KANK2: variants seen among roughly 807,000 people sequenced by gnomAD.
KANK2 encodes KN motif and ankyrin repeat domains 2.
A neutral mutation model predicts 74.6 loss-of-function variants in KANK2; 41 were observed. The ratio of observed to expected loss-of-function variants is 0.55; its 90% CI spans 0.43 to 0.71. KANK2 has a LOEUF of 0.71. Ranked by LOEUF, KANK2 falls within the 30% of genes least tolerant of loss-of-function variation. The pLI is 0.00. For synonymous variants in KANK2, 537 were observed against 519.0 expected, an observed-to-expected ratio of 1.03 and a Z score of -0.47; for missense variants, 1,148 against 1,196.4, an observed-to-expected ratio of 0.96 and a Z score of 0.60.
chr19:11,170,095 C>G lies in KANK2; in HGVS notation c.2365G>C (p.Gly789Arg). 1.2e-6 allele frequency: 2 copies of G among 1,613,668 alleles called. No individual in the cohort carries two copies. Among genetic ancestry groups the G allele is most frequent in the Non-Finnish European group, 1.7e-6 (2 of 1,179,972 alleles). ...ACEHGHKEIA[G>R]LLLAVPSCDI... ...CAGCTGGGCACGGCCAGCAGCAGCC[C>G]CGCGATCTCCTTGTGGCCGTGCTCA... The change falls in exon 11 of 13, where the codon GGG becomes CGG. Residue 789 changes from glycine to arginine, a missense_variant. Coordinates refer to ENST00000586659, the MANE Select transcript of KANK2 (RefSeq NM_001136191.3). This position sits in a 1 kb window ranked among gnomAD's most constrained non-coding sequence, Gnocchi z 5.2.
At chr19:11,187,977 G>A (rs2078724065) in intron 4 of KANK2, among the ~76,000 whole-genome samples, 1 of 152,022 alleles carries the variant, frequency 6.6e-6, no homozygotes. Context: ...AAAATAAAGT[G>A]GGGAGGAAAA....
Position 11,175,427 on chromosome 19 carries a change from C to CAAAAAAAAA in KANK2, c.1848+466_1848+474dup, listed in dbSNP as rs753933217. Among the ~76,000 whole-genome samples the CAAAAAAAAA allele has an allele frequency of 8.7e-4, 13 of 14,974 alleles. 1 individual carries two copies. The highest frequency in any genetic ancestry group is 1.7e-3 in the African/African-American group (9 of 5,382). 9.8% of individuals were successfully genotyped at this position (14,974 alleles called of 152,430 possible). On this transcript the variant is annotated intron_variant, in intron 8 of 12. Coordinates refer to ENST00000586659, the MANE Select transcript of KANK2 (RefSeq NM_001136191.3). ...TGGGTGACAGAGCAAGACTCCCTCTCAAAAAAAAAAAAAAAAAAAAAAAAA... is the reference window on the plus strand; with the variant it reads ...TGGGTGACAGAGCAAGACTCCCTCTCAAAAAAAAAAAAAAAAAAAAAAAAAAAAAAAAAA...
chr19:11,174,780 C>A (rs1447522329), intron 8 of KANK2, 88 bp from the exon 9 acceptor site: 4 of 1,057,576 alleles, frequency 3.8e-6, no homozygotes, highest in Non-Finnish European at 5.6e-6. Context: ...CGGAGCAAAG[C>A]GTGGTGCCCT....
At chr19:11,188,274 G>A (rs1172299181) in intron 4 of KANK2, among the ~76,000 whole-genome samples, 1 of 151,764 alleles carries the variant, frequency 6.6e-6, no homozygotes, top group African/African-American at 2.4e-5. Context: ...AGCAATGCGA[G>A]CTCAGCTCAC....
In KANK2 at chr19:11,170,702, CA is replaced by C. The variant is rs2078149430; in HGVS notation, c.2212-455del. Among the ~76,000 whole-genome samples, 1 of 152,330 alleles carries C rather than the reference CA, an allele frequency of 6.6e-6. No homozygotes were observed. Among genetic ancestry groups the C allele is most frequent in the South Asian group, 2.1e-4 (1 of 4,828 alleles). ...CCTCCCCAGGCTCAGGTGATCCTCC[CA>C]CCTCAGCCTCCCGAGTAGCTGAGAC... is the stretch of plus-strand genomic sequence containing the variant. On this transcript the variant is annotated intron_variant, in intron 10 of 12. Transcript: ENST00000586659. The surrounding 1 kb of genome is among the most constrained non-coding windows in gnomAD (Gnocchi z 5.2).
At position 11,166,294 on chromosome 19, in the gene KANK2, G is replaced by C; in HGVS notation, c.*264C>G. On this transcript the variant is annotated 3_prime_UTR_variant, in exon 13 of 13. Transcript: ENST00000586659. The stretch of plus-strand genomic sequence containing the variant: ...TCATAAAACCCACACCCCAGCATCA[G>C]CCCTGGCGCCAATGTATACAAGAAT... The C allele has an allele frequency of 2.5e-6, 1 of 401,144 alleles. No homozygotes were observed. The allele number at this position is 401,144 out of a possible 1,614,324, so 24.8% of individuals were successfully genotyped here.
At chr19:11,190,811 A>C (rs1328003712) in intron 4 of KANK2, among the ~76,000 whole-genome samples, 1 of 151,894 alleles carries the variant, frequency 6.6e-6, no homozygotes, top group East Asian at 1.9e-4. Context: ...GCTCACTGCA[A>C]CCTCCGGCTC....
Position 11,173,136 on chromosome 19 carries a change from G to T in KANK2, c.2069-13C>A. The T allele has an allele frequency of 6.2e-7, 1 of 1,607,282 alleles. No individual in the cohort carries two copies. Among genetic ancestry groups the T allele is most frequent in the Non-Finnish European group, 8.5e-7 (1 of 1,176,094 alleles). ...ACCTTGCAGACACCTAAGAGACATG[G>T]TGTGAACCCTCAGACCAGGGATCGC... On this transcript the variant is annotated splice_polypyrimidine_tract_variant and intron_variant, in intron 9 of 12. Coordinates refer to ENST00000586659, the MANE Select transcript of KANK2 (RefSeq NM_001136191.3).
chr19:11,173,864 G>A (rs550157785), intron 9 of KANK2, among the ~76,000 whole-genome samples: 7 of 152,224 alleles, frequency 4.6e-5, no homozygotes, highest in East Asian at 3.9e-4. Context: ...TCTGCCATTT[G>A]ACTGGGAAGA....
At chr19:11,182,055 T>C (rs2078536383) in intron 4 of KANK2, among the ~76,000 whole-genome samples, 1 of 151,486 alleles carries the variant, frequency 6.6e-6, no homozygotes, top group African/African-American at 2.4e-5. Context: ...GTAGCTGGGA[T>C]TACAGGTGTG....
At position 11,166,284 on chromosome 19, in the gene KANK2, C is replaced by A. The variant is rs748882141; in HGVS notation, c.*274G>T. ...TCAATGTTCTTCATAAAACCCACAC[C>A]CCAGCATCAGCCCTGGCGCCAATGT... On this transcript the variant is annotated 3_prime_UTR_variant, in exon 13 of 13. Transcript: ENST00000586659. 1.1e-5 allele frequency: 4 copies of A among 361,246 alleles called. No individual in the cohort carries two copies. Among genetic ancestry groups the A allele is most frequent in the African/African-American group, 2.1e-5 (1 of 47,606 alleles). 22.4% of individuals were successfully genotyped at this position (361,246 alleles called of 1,614,324 possible). A position where few individuals can be genotyped will look rare whatever the true frequency, so the allele number is the denominator to read the frequency against.
At chr19:11,169,782 C>A in intron 12 of KANK2, 95 bp downstream of exon 12, 1 of 1,060,470 alleles carries the variant, frequency 9.4e-7, no homozygotes, top group Non-Finnish European at 1.4e-6. Flanking sequence ...CCCTGGGCGA[C>A]AGAGTGAGAC....
rs570545918 is a variant in KANK2, at chr19:11,193,556, G to A, written c.524C>T (p.Ser175Phe). 1 of 1,603,124 alleles carries A rather than the reference G, an allele frequency of 6.2e-7. No individual in the cohort carries two copies. Among genetic ancestry groups the A allele is most frequent in the African/African-American group, 1.3e-5 (1 of 74,980 alleles). Residue 175 changes from serine to phenylalanine, a missense_variant, in exon 4 of 13, where the codon TCC becomes TTC. Coordinates refer to ENST00000586659, the MANE Select transcript of KANK2 (RefSeq NM_001136191.3). This position sits in a 1 kb window ranked among gnomAD's most constrained non-coding sequence, Gnocchi z 9.6. ...CCCGGCACTGGGAGGCACCGGTGTG[G>A]ACAGTCCTGAACTCCGTGGTGTCGG... ...PPPTPRSSGL[S>F]TPVPPSAGHL...
At chr19:11,196,465 C>T (rs1049741971) in intron 1 of KANK2, 13 of 152,406 alleles carry the variant, frequency 8.5e-5, no homozygotes, top group African/African-American at 2.9e-4. Context: ...GTGGCTTCCT[C>T]GGGGTCACTG....
In KANK2 at chr19:11,178,569, C is replaced by T; in HGVS notation, c.1401G>A (p.Glu467=). 6.2e-7 allele frequency: 1 copy of T among 1,604,452 alleles called. No individual in the cohort carries two copies. The highest frequency in any genetic ancestry group is 1.3e-5 in the African/African-American group (1 of 74,278). ...ACCACTTACCGGTGCCCCCGGCCTC[C>T]TCGGACTCTTGGGAGGCTGCTTGCC... ...PTRQAASQES[E]EAGGTGGPPA... is the part of the protein sequence containing the mutation. Residue 467 remains glutamate, a synonymous_variant, in exon 5 of 13, where the codon GAG becomes GAA. Transcript: ENST00000586659.
chr19:11,190,118 GTTAT>G (rs761318757), intron 4 of KANK2, among the ~76,000 whole-genome samples: 4 of 143,828 alleles, frequency 2.8e-5, no homozygotes, highest in Non-Finnish European at 6.0e-5. Context: ...AGCTGTCCTG[GTTAT>G]TTATTTCTTT....
chr19:11,178,726 G>A lies in KANK2; in HGVS notation c.1250-6C>T, dbSNP rs768931410. 2.0e-6 allele frequency: 3 copies of A among 1,523,338 alleles called. No individual in the cohort carries two copies. The highest frequency in any genetic ancestry group is 1.8e-6 in the Non-Finnish European group (2 of 1,140,788). The allele number at this position is 1,523,338 out of a possible 1,614,324, so 94.4% of individuals were successfully genotyped here. On this transcript the variant is annotated splice_region_variant and splice_polypyrimidine_tract_variant and intron_variant, in intron 4 of 12. Coordinates refer to ENST00000586659, the MANE Select transcript of KANK2 (RefSeq NM_001136191.3). Reference sequence around the variant, plus strand: ...GGCAGGAACTTCTGGGAGGCCTGGAGGGACAGGAAATGAGTGTCTGCTCTT... The same window carrying A: ...GGCAGGAACTTCTGGGAGGCCTGGAAGGACAGGAAATGAGTGTCTGCTCTT...
chr19:11,174,559 T>C lies in KANK2; in HGVS notation c.1982A>G (p.Asn661Ser), dbSNP rs1198195346. The change falls in exon 9 of 13, where the codon AAC becomes AGC. Residue 661 changes from asparagine (N) to serine (S), a missense_variant. Physicochemically the swap from Asn to Ser is conservative, Grantham distance 46 (BLOSUM62 1). Transcript: ENST00000586659. ...TGTGTTGCCGTTGCTGTCGGCGATG[T>C]TGACCACGTAGTCCAGCAGCCGCGC... is the stretch of plus-strand genomic sequence containing the variant. ...MSARLLDYVV[N>S]IADSNGNTAL... 1 of 1,613,734 alleles carries C rather than the reference T, an allele frequency of 6.2e-7. No individual in the cohort carries two copies. The highest frequency in any genetic ancestry group is 8.5e-7 in the Non-Finnish European group (1 of 1,179,896).
At chr19:11,187,176 G>C in intron 4 of KANK2, among the ~76,000 whole-genome samples, 1 of 152,000 alleles carries the variant, frequency 6.6e-6, no homozygotes, top group East Asian at 1.9e-4. Context: ...AGAATTGCTT[G>C]AACCCGGGAG....
Sources: allele counts gnomAD v4.1 joint callset (sites outside exome capture counted in the v4.1 genomes callset), GRCh38; gene constraint gnomAD v4.1.1; non-coding constraint Gnocchi (gnomAD v3.1); transcripts MANE v1.5; gene names NCBI Gene and HGNC (gene_info 2026-07-23, HGNC 2026-07-21).